The following ITGA6 variants were observed in gnomAD, a reference collection of about 807,000 sequenced individuals.
ITGA6 encodes integrin subunit alpha 6.
In ITGA6, 63 loss-of-function variants were observed where a neutral mutation model predicts 133.6. That is an observed-to-expected ratio of 0.47 (90% CI 0.38 to 0.58). ITGA6 has a LOEUF of 0.58. Among genes scored for constraint, ITGA6 ranks in the 20% least tolerant of loss-of-function variants. The pLI is 0.00. For synonymous variants in ITGA6, 434 were observed against 482.0 expected, an observed-to-expected ratio of 0.90 and a Z score of 1.30; for missense variants, 1,068 against 1,309.4, an observed-to-expected ratio of 0.82 and a Z score of 2.85.
At chr2:172,489,148 G>T (rs1251730772) in intron 19 of ITGA6, among the ~76,000 whole-genome samples, 1 of 152,160 alleles carries the variant, frequency 6.6e-6, no homozygotes, top group African/African-American at 2.4e-5. Context: ...GGCCAAGCAG[G>T]GTGGTTACAG....
At chr2:172,431,403 T>C (rs1574307816) in intron 1 of ITGA6, among the ~76,000 whole-genome samples, 1 of 152,236 alleles carries the variant, frequency 6.6e-6, no homozygotes, top group Non-Finnish European at 1.5e-5. Flanking sequence ...GTGTACTATA[T>C]TGTGTTGATT....
At chr2:172,429,973 T>C (rs1368740815) in intron 1 of ITGA6, among the ~76,000 whole-genome samples, 2 of 152,200 alleles carry the variant, frequency 1.3e-5, no homozygotes, top group African/African-American at 4.8e-5. Flanking sequence ...AATGTGGGTG[T>C]AAATGGCAGA....
intron 2 of ITGA6, chr2:172,465,993 T>G (rs1685655937): frequency 5.0e-6 from 2 of 399,976 alleles, no homozygotes. Context: ...GAGCGTATCT[T>G]GTATTCATCA....
chr2:172,488,356 T>TTTAAA, intron 19 of ITGA6, 128 bp downstream of exon 19: 1 of 738,830 alleles, frequency 1.4e-6, no homozygotes. Flanking sequence ...AGTTAAAAAT[T>TTTAAA]AGTTTGCCAG....
At chr2:172,482,659 A>C (rs1230980510) in intron 11 of ITGA6, among the ~76,000 whole-genome samples, 1 of 152,052 alleles carries the variant, frequency 6.6e-6, no homozygotes, top group Non-Finnish European at 1.5e-5. Flanking sequence ...TCAGCGTGTG[A>C]GCCTTTATCT....
intron 1 of ITGA6, among the ~76,000 whole-genome samples, chr2:172,445,481 C>T (rs1396016491): frequency 2.0e-5 from 3 of 150,742 alleles, no homozygotes; most frequent in East Asian, 4.0e-4. Flanking sequence ...AACCCCGTCT[C>T]TACAAAAAAT....
chr2:172,498,063 T>C lies in ITGA6; in HGVS notation c.3077T>C (p.Ile1026Thr), dbSNP rs1024802213. ...WIILVAILAG[I>T]LMLALLVFIL... Reference sequence around the variant, plus strand: ...ATCCTAGTGGCTATTCTCGCTGGGATCTTGATGCTTGCTTTATTAGTGTTT... The same window carrying C: ...ATCCTAGTGGCTATTCTCGCTGGGACCTTGATGCTTGCTTTATTAGTGTTT... The change falls in exon 24 of 26, where the codon ATC becomes ACC. Residue 1026 changes from isoleucine (I) to threonine (T), a missense_variant. Physicochemically the swap from Ile to Thr is moderately conservative, Grantham distance 89 (BLOSUM62 -1). This residue lies in a region of ITGA6 where 609 missense variants were observed against 707.2 expected (regional missense o/e 0.86). Coordinates refer to ENST00000684293, the MANE Select transcript of ITGA6 (RefSeq NM_000210.4). 1 of 1,613,806 alleles carries C rather than the reference T, an allele frequency of 6.2e-7. No individual in the cohort carries two copies.
At chr2:172,461,922 ATTGT>A (rs1323331940) in intron 1 of ITGA6, among the ~76,000 whole-genome samples, 1 of 152,182 alleles carries the variant, frequency 6.6e-6, no homozygotes, top group Non-Finnish European at 1.5e-5. Context: ...CTCTGCTGTC[ATTGT>A]TTGGACACAG....
At chr2:172,478,068 A>C (rs1686256604) in intron 9 of ITGA6, among the ~76,000 whole-genome samples, 1 of 152,204 alleles carries the variant, frequency 6.6e-6, no homozygotes. Context: ...GTCTGTTAAA[A>C]TTCTACAGTA....
At chr2:172,441,163 T>C (rs1684522977) in intron 1 of ITGA6, among the ~76,000 whole-genome samples, 1 of 152,210 alleles carries the variant, frequency 6.6e-6, no homozygotes, top group African/African-American at 2.4e-5. Context: ...TTGAGTTTAA[T>C]AGGCTCTCTT....
intron 9 of ITGA6, among the ~76,000 whole-genome samples, chr2:172,479,274 A>C (rs1002917351): frequency 9.2e-5 from 14 of 152,230 alleles, no homozygotes; most frequent in Non-Finnish European, 2.9e-5. Context: ...TTTAGTTGAA[A>C]TTATACATAT....
chr2:172,437,304 G>A (rs1045216318), intron 1 of ITGA6, among the ~76,000 whole-genome samples: 2 of 152,220 alleles, frequency 1.3e-5, no homozygotes, highest in African/African-American at 4.8e-5. Context: ...TGACTAGGAG[G>A]CTCCTGTAAT....
chr2:172,432,478 C>G (rs10930556), intron 1 of ITGA6, among the ~76,000 whole-genome samples: 78,149 of 152,142 alleles, frequency 0.51, 20,737 homozygotes, highest in Non-Finnish European at 0.55. Context: ...ATTATACACT[C>G]AGTTTAACCT....
chr2:172,438,673 A>G (rs1173843327), intron 1 of ITGA6, among the ~76,000 whole-genome samples: 2 of 151,906 alleles, frequency 1.3e-5, no homozygotes, highest in Non-Finnish European at 2.9e-5. Context: ...GGCATATCCA[A>G]TCAACATCAG....
At chr2:172,469,078 C>T (rs771745787) in intron 3 of ITGA6, 47 bp from the exon 4 acceptor site, 2 of 1,609,166 alleles carry the variant, frequency 1.2e-6, no homozygotes, top group Admixed American at 1.7e-5. Context: ...TTTTTAAAAA[C>T]AAGGTTTATA....
Position 172,491,574 on chromosome 2 carries a change from G to C in ITGA6, c.2988+51G>C, listed in dbSNP as rs777775990. 2.1e-5 allele frequency: 25 copies of C among 1,184,990 alleles called. No individual in the cohort carries two copies. Among genetic ancestry groups the C allele is most frequent in the Admixed American group, 1.6e-4 (9 of 56,684 alleles). The allele number at this position is 1,184,990 out of a possible 1,614,324, so 73.4% of individuals were successfully genotyped here. A position where few individuals can be genotyped will look rare whatever the true frequency, so the allele number is the denominator to read the frequency against. ...GGTTCAGAACATGTCTCTTTTCCCT[G>C]TACCCCACACTCATGTCCTGAAGTC... On this transcript the variant is annotated intron_variant, in intron 23 of 25. Coordinates refer to ENST00000684293, the MANE Select transcript of ITGA6 (RefSeq NM_000210.4). The surrounding 1 kb of genome is among the most constrained non-coding windows in gnomAD (Gnocchi z 4.4).
chr2:172,471,035 G>A lies in ITGA6; in HGVS notation c.705G>A (p.Gly235=), dbSNP rs372643125. 1.1e-5 allele frequency: 18 copies of A among 1,614,072 alleles called. No individual in the cohort carries two copies. In the African/African-American group the frequency reaches 2.4e-4, roughly 22 times the overall value. ...TTGACATGAACATCTTTGAAGATGG[G>A]CCTTATGAAGTTGGTGGAGAGACTG... The part of the protein sequence containing the change: ...TFFDMNIFED[G]PYEVGGETEH... The change falls in exon 5 of 26, where the codon GGG becomes GGA. Residue 235 remains glycine (G), a synonymous_variant. Coordinates refer to ENST00000684293, the MANE Select transcript of ITGA6 (RefSeq NM_000210.4).
Position 172,469,311 on chromosome 2 carries a change from G to A in ITGA6, c.574G>A (p.Val192Ile). ...HEKFGSCQQGVAATFTKDFHY... is the reference protein window; with the variant it reads ...HEKFGSCQQGIAATFTKDFHY... ...GAAATTTGGCTCTTGCCAGCAAGGT[G>A]TAGCAGCTACTTTTACTAAAGACTT... Residue 192 changes from valine to isoleucine, a missense_variant, in exon 4 of 26, where the codon GTA becomes ATA. Physicochemically the swap from Val to Ile is conservative, Grantham distance 29. Around this residue, in one of 3 missense-constraint regions of ITGA6, gnomAD observed 317 missense variants for 456.9 expected, o/e 0.69. Transcript: ENST00000684293. The A allele has an allele frequency of 6.2e-7, 1 of 1,614,136 alleles. No individual in the cohort carries two copies. The highest frequency in any genetic ancestry group is 1.1e-5 in the South Asian group (1 of 91,076).
chr2:172,499,898 A>G (rs1489158373), intron 24 of ITGA6, among the ~76,000 whole-genome samples: 1 of 150,546 alleles, frequency 6.6e-6, no homozygotes, highest in Admixed American at 6.6e-5. Flanking sequence ...TGATTGGATT[A>G]TTAGATGATT....
Sources: gnomAD v4.1 joint callset for allele counts (sites outside exome capture counted in the v4.1 genomes callset) on GRCh38, gnomAD v4.1.1 for gene constraint, gnomAD v4.1.1 regional missense constraint, Gnocchi (gnomAD v3.1) non-coding constraint, MANE v1.5 for transcripts, NCBI Gene and HGNC (gene_info 2026-07-23, HGNC 2026-07-21) for gene names.